The following USP35 variants were observed in gnomAD, a reference collection of about 807,000 sequenced individuals.
The protein encoded by USP35 is ubiquitin carboxyl-terminal hydrolase 35.
In USP35, 69 loss-of-function variants were observed where a neutral mutation model predicts 83.8. The observed-to-expected ratio is 0.82, with a 90% CI of 0.68 to 1.01. USP35 has a LOEUF of 1.01. Ranked by LOEUF, USP35 falls within the 50% of genes least tolerant of loss-of-function variation. The pLI, the probability that USP35 is intolerant of heterozygous loss-of-function variation, is 0.00. For missense variants in USP35, 1,503 were observed against 1,362.5 expected, an observed-to-expected ratio of 1.10 and a Z score of -1.62; for synonymous variants, 714 against 589.5, an observed-to-expected ratio of 1.21 and a Z score of -3.06.
At chr11:78,233,040 G>GTTTTTTTTTTTTTT in the USP35 span, among the ~76,000 whole-genome samples, 280 of 131,920 alleles carry the variant, frequency 2.1e-3, 20 homozygotes, top group African/African-American at 7.9e-3. Context: ...GCACTGTTAA[G>GTTTTTTTTTTTTTT]TTTTTTTTTT....
intron 6 of USP35, among the ~76,000 whole-genome samples, chr11:78,204,094 T>G (rs866373530): frequency 1.1e-4 from 17 of 149,932 alleles, no homozygotes; most frequent in South Asian, 6.4e-4. Flanking sequence ...GTTTCACCGT[T>G]TTAGCCGGGA....
At chr11:78,199,758 C>G in intron 4 of USP35, 34 bp downstream of exon 4, 1 of 1,613,984 alleles carries the variant, frequency 6.2e-7, no homozygotes, top group South Asian at 1.1e-5. Context: ...GAGTTACAGC[C>G]TTTTGTACTA....
Position 78,213,976 on chromosome 11 carries a change from A to C in USP35, c.*163A>C. On this transcript the variant is annotated 3_prime_UTR_variant, in exon 11 of 11. Coordinates refer to ENST00000529308, the MANE Select transcript of USP35 (RefSeq NM_020798.4). Reference sequence around the variant, plus strand: ...CAGAGATTCTCTCAGATATGGAAGTAAGACCTAAGTCCCTTTCATTGGGGA... The same window carrying C: ...CAGAGATTCTCTCAGATATGGAAGTCAGACCTAAGTCCCTTTCATTGGGGA... The C allele has an allele frequency of 1.4e-6, 1 of 740,578 alleles. No individual in the cohort carries two copies. Among genetic ancestry groups the C allele is most frequent in the South Asian group, 2.7e-5 (1 of 37,096 alleles). The allele number at this position is 740,578 out of a possible 1,614,324, so 45.9% of individuals were successfully genotyped here. A position where few individuals can be genotyped will look rare whatever the true frequency, so the allele number is the denominator to read the frequency against.
At chr11:78,215,655 C>T (rs1864087129), downstream of USP35, 1 of 152,270 alleles carries the variant, frequency 6.6e-6, no homozygotes, top group Admixed American at 6.5e-5. Flanking sequence ...CCAACAAATA[C>T]ACAACACATG....
chr11:78,202,885 T>G (rs1160572931), intron 6 of USP35, among the ~76,000 whole-genome samples: 1 of 152,172 alleles, frequency 6.6e-6, no homozygotes, highest in Non-Finnish European at 1.5e-5. Context: ...ACAGTGAGCT[T>G]CTGTGGGCAG....
intron 10 of USP35, 99 bp from the exon 11 acceptor site, chr11:78,213,547 G>A: frequency 1.5e-6 from 2 of 1,341,718 alleles, no homozygotes; most frequent in Middle Eastern, 2.0e-4. Flanking sequence ...AGGCCCTGGG[G>A]ACCTAGAGGA....
intron 10 of USP35, 91 bp from the exon 11 acceptor site, chr11:78,213,554 AG>A (rs1375684520): frequency 7.3e-7 from 1 of 1,370,612 alleles, no homozygotes; most frequent in Non-Finnish European, 9.5e-7. Flanking sequence ...GGGGACCTAG[AG>A]GAAACATTGA....
the USP35 span, chr11:78,226,620 G>GGGGGGCCGC: frequency 6.7e-7 from 1 of 1,500,582 alleles, no homozygotes; most frequent in Non-Finnish European, 9.3e-7. Context: ...GCGGGGTGGG[G>GGGGGGCCGC]GAGCTATGGC....
chr11:78,210,268 A>C lies in USP35; in HGVS notation c.2413A>C (p.Ile805Leu). The C allele has an allele frequency of 6.2e-7, 1 of 1,614,058 alleles. No individual in the cohort carries two copies. Among genetic ancestry groups the C allele is most frequent in the Non-Finnish European group, 8.5e-7 (1 of 1,180,022 alleles). ...VELSQGPCYL[I>L]LTLLRFSFDL... ...GCTGAGCCAAGGGCCGTGCTACCTC[A>C]TCCTCACACTGCTGCGCTTCTCTTT... is the stretch of plus-strand genomic sequence containing the variant. The change falls in exon 10 of 11, where the codon ATC becomes CTC. Residue 805 changes from isoleucine (I) to leucine (L), a missense_variant. Transcript: ENST00000529308.
At chr11:78,220,716 G>A in the USP35 span, among the ~76,000 whole-genome samples, 1 of 152,174 alleles carries the variant, frequency 6.6e-6, no homozygotes, top group Non-Finnish European at 1.5e-5. Context: ...CAGCTGTTGA[G>A]TGATGGGAAT....
chr11:78,225,057 C>T, the USP35 span: 7,544 of 1,185,226 alleles, frequency 6.4e-3, 326 homozygotes, highest in African/African-American at 0.1. Flanking sequence ...AAGGTGTGAC[C>T]TTTTACCTAA....
chr11:78,195,945 C>T (rs552991558), intron 1 of USP35, among the ~76,000 whole-genome samples: 1 of 152,242 alleles, frequency 6.6e-6, no homozygotes, highest in South Asian at 2.1e-4. Context: ...TCAGGCTGGT[C>T]TTGAACTCCT....
chr11:78,211,871 ATTTT>A (rs948677546), intron 10 of USP35, among the ~76,000 whole-genome samples: 1 of 151,764 alleles, frequency 6.6e-6, no homozygotes, highest in Non-Finnish European at 1.5e-5. Context: ...GTTTGCAAAA[ATTTT>A]TTTTCATTCT....
At chr11:78,226,973 G>T in the USP35 span, 31 of 1,613,528 alleles carry the variant, frequency 1.9e-5, no homozygotes, top group African/African-American at 3.3e-4. Context: ...AGTGTCCATT[G>T]CCCTGGGCAA....
the USP35 span, among the ~76,000 whole-genome samples, chr11:78,237,206 A>T: frequency 6.6e-6 from 1 of 152,230 alleles, no homozygotes. Context: ...AATAAAAACA[A>T]ATGTTTCTAC....
intron 6 of USP35, among the ~76,000 whole-genome samples, chr11:78,201,875 G>C (rs1035755623): frequency 1.4e-4 from 22 of 152,284 alleles, no homozygotes; most frequent in African/African-American, 5.1e-4. Context: ...AGGTTGGGTG[G>C]GGTGAAGGGG....
chr11:78,234,766 T>C, the USP35 span, among the ~76,000 whole-genome samples: 1 of 152,088 alleles, frequency 6.6e-6, no homozygotes, highest in Admixed American at 6.5e-5. Context: ...TGAAATCAAG[T>C]AATATAAATC....
rs758223471 is a variant in USP35 at position 78,196,273 on chromosome 11, A to T, written c.28A>T (p.Thr10Ser). 15 of 1,595,416 alleles carry T rather than the reference A, an allele frequency of 9.4e-6. No individual in the cohort carries two copies. The highest frequency in any genetic ancestry group is 1.2e-5 in the Non-Finnish European group (14 of 1,177,804). Residue 10 changes from threonine (T) to serine (S), a missense_variant, in exon 2 of 11, where the codon ACG becomes TCG. Physicochemically the swap from Thr to Ser is moderately conservative, Grantham distance 58. Transcript: ENST00000529308. This position sits in a 1 kb window ranked among gnomAD's most constrained non-coding sequence, Gnocchi z 4.8. MDKILEAVV[T>S]SSYPVSVKQG... is the part of the protein sequence containing the mutation. ...GGACAAGATCTTGGAGGCGGTGGTG[A>T]CGTCGTCATACCCGGTCAGCGTGAA...
In USP35 at chr11:78,210,111, A is replaced by G. The variant is rs780300989; in HGVS notation, c.2256A>G (p.Thr752=). ...CTGCCATCCCCTCCGGGGAGCGGAC[A>G]TGTGGCTCTGAGGGCTCCCGCTCCG... ...PDAAIPSGER[T]CGSEGSRSVL... is the part of the protein sequence containing the mutation. The change falls in exon 10 of 11, where the codon ACA becomes ACG. Residue 752 remains threonine (T), a synonymous_variant. Coordinates refer to ENST00000529308, the MANE Select transcript of USP35 (RefSeq NM_020798.4). 6.8e-6 allele frequency: 11 copies of G among 1,613,960 alleles called. No homozygotes were observed. The highest frequency in any genetic ancestry group is 9.3e-6 in the Non-Finnish European group (11 of 1,179,966).
Sources: gnomAD v4.1 joint callset for allele counts (sites outside exome capture counted in the v4.1 genomes callset) on GRCh38, gnomAD v4.1.1 for gene constraint, Gnocchi (gnomAD v3.1) non-coding constraint, MANE v1.5 for transcripts, NCBI Gene and HGNC (gene_info 2026-07-23, HGNC 2026-07-21) for gene names.